EIF4EBP2: variants seen among roughly 807,000 people sequenced by gnomAD.
EIF4EBP2 encodes the protein eukaryotic translation initiation factor 4E-binding protein 2.
A neutral mutation model predicts 10.3 loss-of-function variants in EIF4EBP2; 5 were observed. That is an observed-to-expected ratio of 0.48 (90% CI 0.25 to 1.02). EIF4EBP2 has a LOEUF of 1.02. Ranked by LOEUF, EIF4EBP2 falls within the 50% of genes least tolerant of loss-of-function variation. The probability of loss-of-function intolerance (pLI) is 0.15; values close to 1 mark genes in which losing one functional copy is unlikely to be tolerated. For missense variants in EIF4EBP2, 188 were observed against 162.2 expected (o/e 1.16, Z -0.86); for synonymous variants, 67 against 61.1 (o/e 1.10, Z -0.45).
At chr10:70,415,168 A>G (rs931590202) in intron 1 of EIF4EBP2, among the ~76,000 whole-genome samples, 5 of 151,498 alleles carry the variant, frequency 3.3e-5, no homozygotes, top group African/African-American at 1.2e-4. Flanking sequence ...GAAAAAAAAA[A>G]AAAAGAAAAG....
rs532758642 is a variant in EIF4EBP2 at position 70,410,155 on chromosome 10, C to T, written c.145+5609C>T. Among the ~76,000 whole-genome samples the T allele has an allele frequency of 1.5e-4, 23 of 152,152 alleles. No individual in the cohort carries two copies. In the South Asian group the frequency reaches 2.7e-3, roughly 18 times the overall value. ...CGCCATCTTGGCTCACCGCAACCTCCGCCTCCTGGGTTCAAGTGATTCTCC... is the reference window on the plus strand; with the variant it reads ...CGCCATCTTGGCTCACCGCAACCTCTGCCTCCTGGGTTCAAGTGATTCTCC... On this transcript the variant is annotated intron_variant, in intron 1 of 2. Transcript: ENST00000373218.
intron 1 of EIF4EBP2, among the ~76,000 whole-genome samples, chr10:70,411,755 T>A (rs983696240): frequency 6.6e-6 from 1 of 152,210 alleles, no homozygotes; most frequent in African/African-American, 2.4e-5. Context: ...ATGCCCAGCC[T>A]ATTTCTTAGT....
chr10:70,417,376 G>A (rs1845108779), intron 1 of EIF4EBP2, among the ~76,000 whole-genome samples: 1 of 152,088 alleles, frequency 6.6e-6, no homozygotes, highest in African/African-American at 2.4e-5. Flanking sequence ...AAGGGGTTGG[G>A]GGAGGTTATG....
intron 1 of EIF4EBP2, among the ~76,000 whole-genome samples, chr10:70,412,236 C>CT (rs1005021344): frequency 3.9e-5 from 6 of 152,212 alleles, no homozygotes; most frequent in East Asian, 1.9e-4. Flanking sequence ...GCTTGGAACT[C>CT]TATTTTATGA....
intron 1 of EIF4EBP2, among the ~76,000 whole-genome samples, chr10:70,411,483 A>G (rs1845043715): frequency 6.6e-6 from 1 of 152,112 alleles, no homozygotes; most frequent in Non-Finnish European, 1.5e-5. Flanking sequence ...AAAAAGCAAC[A>G]TTCCGATGCC....
At chr10:70,407,259 T>C (rs550234806) in intron 1 of EIF4EBP2, among the ~76,000 whole-genome samples, 2 of 152,126 alleles carry the variant, frequency 1.3e-5, no homozygotes, top group East Asian at 3.9e-4. Context: ...GAGGACCCTG[T>C]GGCCTTCCGC....
chr10:70,427,967 T>TC lies in EIF4EBP2; in HGVS notation c.*6220_*6221insC, dbSNP rs1427050468. On this transcript the variant is annotated 3_prime_UTR_variant, in exon 3 of 3. Transcript: ENST00000373218. ...TTTCTCTCCAGCTTAATCTTTTTTT[T>TC]TTTTTTTTTTTTAAAGCCCAGGCCA... is the stretch of plus-strand genomic sequence containing the variant. 6.6e-6 allele frequency: 1 copy of TC among 151,770 alleles called. No individual in the cohort carries two copies. The highest frequency in any genetic ancestry group is 2.4e-5 in the African/African-American group (1 of 41,310). The allele number at this position is 151,770 out of a possible 1,614,324, so 9.4% of individuals were successfully genotyped here. A position where few individuals can be genotyped will look rare whatever the true frequency, so the allele number is the denominator to read the frequency against.
At chr10:70,404,696 C>T in intron 1 of EIF4EBP2, 150 bp downstream of exon 1, 1 of 1,075,732 alleles carries the variant, frequency 9.3e-7, no homozygotes, top group Non-Finnish European at 1.3e-6. Context: ...GCGTTCGGGA[C>T]CCTTTACTTC....
Position 70,427,038 on chromosome 10 carries a change from G to C in EIF4EBP2, c.*5291G>C, listed in dbSNP as rs7463. 52,213 of 152,068 alleles carry C rather than the reference G, an allele frequency of 0.34. 11,041 individuals carry two copies. Among genetic ancestry groups the C allele is most frequent in the East Asian group, 0.62 (3,220 of 5,178 alleles). The allele number at this position is 152,068 out of a possible 1,614,324, so 9.4% of individuals were successfully genotyped here. A position where few individuals can be genotyped will look rare whatever the true frequency, so the allele number is the denominator to read the frequency against. Reference sequence around the variant, plus strand: ...ATCTGTTTGCATTTTCCTCATCTAGGATAACAGCTGCTTGAAGCCAGGGCT... The same window carrying C: ...ATCTGTTTGCATTTTCCTCATCTAGCATAACAGCTGCTTGAAGCCAGGGCT... On this transcript the variant is annotated 3_prime_UTR_variant, in exon 3 of 3. Transcript: ENST00000373218.
At position 70,423,934 on chromosome 10, in the gene EIF4EBP2, A is replaced by C. The variant is rs1845182976; in HGVS notation, c.*2187A>C. The C allele has an allele frequency of 1.3e-5, 2 of 152,310 alleles. No individual in the cohort carries two copies. Among genetic ancestry groups the C allele is most frequent in the Non-Finnish European group, 2.9e-5 (2 of 68,036 alleles). The allele number at this position is 152,310 out of a possible 1,614,324, so 9.4% of individuals were successfully genotyped here. A position where few individuals can be genotyped will look rare whatever the true frequency, so the allele number is the denominator to read the frequency against. ...ATTTTACATATTCTTGGAAAAACCT[A>C]AGTTGCTCTGTAATTTACATAAGAA... On this transcript the variant is annotated 3_prime_UTR_variant, in exon 3 of 3. Coordinates refer to ENST00000373218, the MANE Select transcript of EIF4EBP2 (RefSeq NM_004096.5).
At position 70,425,294 on chromosome 10, in the gene EIF4EBP2, C is replaced by G. The variant is rs1170026018; in HGVS notation, c.*3547C>G. 6.6e-6 allele frequency: 1 copy of G among 152,234 alleles called. No homozygotes were observed. The highest frequency in any genetic ancestry group is 1.5e-5 in the Non-Finnish European group (1 of 68,048). 9.4% of individuals were successfully genotyped at this position (152,234 alleles called of 1,614,324 possible). A position where few individuals can be genotyped will look rare whatever the true frequency, so the allele number is the denominator to read the frequency against. On this transcript the variant is annotated 3_prime_UTR_variant, in exon 3 of 3. Transcript: ENST00000373218. Reference sequence around the variant, plus strand: ...TTAAGACATAGTCTTGGAAAGGACACACCGTCACTTCTTATCCTAGTTGTT... The same window carrying G: ...TTAAGACATAGTCTTGGAAAGGACAGACCGTCACTTCTTATCCTAGTTGTT...
At chr10:70,418,169 C>A (rs573481787) in intron 1 of EIF4EBP2, among the ~76,000 whole-genome samples, 1 of 152,254 alleles carries the variant, frequency 6.6e-6, no homozygotes, top group South Asian at 2.1e-4. Context: ...TAAGATGGAA[C>A]ACCACAGAGT....
At position 70,422,442 on chromosome 10, in the gene EIF4EBP2, C is replaced by T. The variant is rs573462638; in HGVS notation, c.*695C>T. 6 of 152,150 alleles carry T rather than the reference C, an allele frequency of 3.9e-5. No individual in the cohort carries two copies. The highest frequency in any genetic ancestry group is 8.8e-5 in the Non-Finnish European group (6 of 68,044). The allele number at this position is 152,150 out of a possible 1,614,324, so 9.4% of individuals were successfully genotyped here. On this transcript the variant is annotated 3_prime_UTR_variant, in exon 3 of 3. Coordinates refer to ENST00000373218, the MANE Select transcript of EIF4EBP2 (RefSeq NM_004096.5). ...TCTTTGGTATTATAGTTCATCTTCCCATTCTTTTACTTAGTGCATTTGTGC... is the reference window on the plus strand; with the variant it reads ...TCTTTGGTATTATAGTTCATCTTCCTATTCTTTTACTTAGTGCATTTGTGC...
At chr10:70,404,863 GCTC>G (rs1464122365) in intron 1 of EIF4EBP2, among the ~76,000 whole-genome samples, 1 of 152,244 alleles carries the variant, frequency 6.6e-6, no homozygotes, top group Non-Finnish European at 1.5e-5. Context: ...GGCGGATTTG[GCTC>G]CACTTGGCCT....
chr10:70,404,450 A>G lies in EIF4EBP2; in HGVS notation c.49A>G (p.Ile17Val). ...CCACCAGCCCAGCCAGAGCCGCGCC[A>G]TCCCCACCCGCACCGTGGCCATCAG... ...SGHQPSQSRA[I>V]PTRTVAISDA... The change falls in exon 1 of 3, where the codon ATC becomes GTC. Residue 17 changes from isoleucine to valine, a missense_variant. Physicochemically the swap from Ile to Val is conservative, Grantham distance 29 (BLOSUM62 3). Coordinates refer to ENST00000373218, the MANE Select transcript of EIF4EBP2 (RefSeq NM_004096.5). 6.3e-7 allele frequency: 1 copy of G among 1,595,742 alleles called. No individual in the cohort carries two copies. The highest frequency in any genetic ancestry group is 8.5e-7 in the Non-Finnish European group (1 of 1,173,754).
rs7093504 is a variant in EIF4EBP2, at chr10:70,422,046, G to C, written c.*299G>C. The C allele has an allele frequency of 0.089, 34,569 of 388,184 alleles. 2,307 individuals carry two copies. The highest frequency in any genetic ancestry group is 0.27 in the East Asian group (6,853 of 25,356). The allele number at this position is 388,184 out of a possible 1,614,324, so 24.0% of individuals were successfully genotyped here. ...AAACAGTTCAACTCTGACTTTCCTAGTTGTTTTTTTATTGAGAGCCACCCT... is the reference window on the plus strand; with the variant it reads ...AAACAGTTCAACTCTGACTTTCCTACTTGTTTTTTTATTGAGAGCCACCCT... On this transcript the variant is annotated 3_prime_UTR_variant, in exon 3 of 3. Coordinates refer to ENST00000373218, the MANE Select transcript of EIF4EBP2 (RefSeq NM_004096.5).
intron 1 of EIF4EBP2, among the ~76,000 whole-genome samples, chr10:70,418,900 C>T (rs183565105): frequency 1.3e-5 from 2 of 152,282 alleles, no homozygotes; most frequent in Admixed American, 6.5e-5. Context: ...ACTGTAGCCT[C>T]GAACTCCTGG....
chr10:70,404,658 C>T (rs896235304), intron 1 of EIF4EBP2, 112 bp downstream of exon 1: 9 of 1,326,776 alleles, frequency 6.8e-6, no homozygotes, highest in East Asian at 3.1e-5. Context: ...ACCGAAGCCC[C>T]GGGGACGCTG....
At chr10:70,413,011 C>G (rs1427624939) in intron 1 of EIF4EBP2, among the ~76,000 whole-genome samples, 2 of 152,216 alleles carry the variant, frequency 1.3e-5, no homozygotes, top group African/African-American at 2.4e-5. Context: ...AGTGCTTTTG[C>G]TGGCTACCAT....
Sources: gnomAD v4.1 joint callset for allele counts (sites outside exome capture counted in the v4.1 genomes callset) on GRCh38, gnomAD v4.1.1 for gene constraint, MANE v1.5 for transcripts, NCBI Gene and HGNC (gene_info 2026-07-23, HGNC 2026-07-21) for gene names.